PXDNL: variants seen among roughly 807,000 people sequenced by gnomAD.
The protein encoded by PXDNL is peroxidasin like.
In PXDNL, 145 loss-of-function variants were observed where a neutral mutation model predicts 150.8. The observed-to-expected ratio is 0.96, with a 90% CI of 0.84 to 1.10. The LOEUF is 1.10. Ranked by LOEUF, PXDNL falls within the 50% of genes least tolerant of loss-of-function variation. The pLI is 0.00. For missense variants in PXDNL, 2,087 were observed against 1,873.9 expected (o/e 1.11, Z -2.10); for synonymous variants, 757 against 725.7 (o/e 1.04, Z -0.69).
intron 1 of PXDNL, among the ~76,000 whole-genome samples, chr8:51,782,823 A>G (rs2037427588): frequency 6.6e-6 from 1 of 152,224 alleles, no homozygotes; most frequent in Admixed American, 6.5e-5. Context: ...AATTTCTCTT[A>G]TAGGCAGAAA....
chr8:51,668,328 C>T (rs1487706688), intron 1 of PXDNL, among the ~76,000 whole-genome samples: 1 of 151,914 alleles, frequency 6.6e-6, no homozygotes, highest in Non-Finnish European at 1.5e-5. Flanking sequence ...GCGAGCACCA[C>T]CACACCTGGC....
At chr8:51,594,198 G>T (rs1813513199) in intron 2 of PXDNL, among the ~76,000 whole-genome samples, 1 of 152,182 alleles carries the variant, frequency 6.6e-6, no homozygotes, top group South Asian at 2.1e-4. Flanking sequence ...ATACATATGT[G>T]CATGTGTGTA....
chr8:51,427,234 A>C (rs1267631675), intron 12 of PXDNL, among the ~76,000 whole-genome samples: 1 of 152,234 alleles, frequency 6.6e-6, no homozygotes, highest in African/African-American at 2.4e-5. Context: ...TATTAAAAAA[A>C]TGAATTCCTA....
chr8:51,680,768 G>A (rs1056406282), intron 1 of PXDNL, among the ~76,000 whole-genome samples: 9 of 152,128 alleles, frequency 5.9e-5, no homozygotes, highest in Admixed American at 1.3e-4. Flanking sequence ...GGTTTTTAGC[G>A]TCCCTGTGCC....
intron 1 of PXDNL, among the ~76,000 whole-genome samples, chr8:51,790,700 G>C (rs1256498849): frequency 9.4e-6 from 1 of 106,900 alleles, no homozygotes. Context: ...GCGGAGGGCA[G>C]CGGGGGCGAG....
At chr8:51,706,587 T>C (rs1164809565) in intron 1 of PXDNL, among the ~76,000 whole-genome samples, 1 of 152,214 alleles carries the variant, frequency 6.6e-6, no homozygotes, top group Non-Finnish European at 1.5e-5. Context: ...ATTATTTTTA[T>C]GGTAATCATT....
At chr8:51,339,440 C>A (rs953464367) in intron 21 of PXDNL, among the ~76,000 whole-genome samples, 184 bp downstream of exon 21, 17 of 151,992 alleles carry the variant, frequency 1.1e-4, no homozygotes, top group Middle Eastern at 3.4e-3. Context: ...ATCCGGCCGA[C>A]AGAACAAGAC....
chr8:51,372,706 A>G (rs1357408869), intron 18 of PXDNL, among the ~76,000 whole-genome samples: 1 of 152,228 alleles, frequency 6.6e-6, no homozygotes, highest in Non-Finnish European at 1.5e-5. Flanking sequence ...TTTAAATTCC[A>G]TGAACTAACC....
intron 2 of PXDNL, among the ~76,000 whole-genome samples, chr8:51,652,067 T>C (rs989191429): frequency 1.3e-5 from 2 of 152,166 alleles, no homozygotes; most frequent in African/African-American, 4.8e-5. Context: ...GTGGTTGGCA[T>C]TTTTTTAAAT....
intron 19 of PXDNL, among the ~76,000 whole-genome samples, chr8:51,350,349 A>AGCT (rs1349082238): frequency 1.9e-4 from 21 of 112,366 alleles, no homozygotes; most frequent in South Asian, 2.9e-4. Flanking sequence ...TAGCAAATGC[A>AGCT]GCTTCTTTTT....
chr8:51,565,644 C>T (rs1289782890), intron 3 of PXDNL, among the ~76,000 whole-genome samples: 1 of 151,736 alleles, frequency 6.6e-6, no homozygotes. Context: ...ACAGTGACAC[C>T]TTTGCTTTCT....
intron 19 of PXDNL, among the ~76,000 whole-genome samples, chr8:51,360,704 A>G (rs1186995786): frequency 6.6e-6 from 1 of 152,350 alleles, no homozygotes; most frequent in Non-Finnish European, 1.5e-5. Flanking sequence ...GTGTAAACAG[A>G]CTGTAGTCTA....
chr8:51,652,761 T>C (rs541331183), intron 2 of PXDNL, among the ~76,000 whole-genome samples: 2 of 152,220 alleles, frequency 1.3e-5, no homozygotes, highest in African/African-American at 4.8e-5. Flanking sequence ...GCAACTAGTA[T>C]AAAATGAGGC....
At chr8:51,468,876 C>G (rs1377412248) in intron 8 of PXDNL, among the ~76,000 whole-genome samples, 1 of 151,838 alleles carries the variant, frequency 6.6e-6, no homozygotes, top group Non-Finnish European at 1.5e-5. Context: ...TATTGTCTAA[C>G]GTTCTACTTT....
intron 4 of PXDNL, among the ~76,000 whole-genome samples, chr8:51,525,419 A>T (rs1811749398): frequency 6.6e-6 from 1 of 152,216 alleles, no homozygotes; most frequent in African/African-American, 2.4e-5. Context: ...CACGTGTAAC[A>T]TTTGTCACTG....
At chr8:51,729,302 A>G (rs1816874715) in intron 1 of PXDNL, among the ~76,000 whole-genome samples, 1 of 134,020 alleles carries the variant, frequency 7.5e-6, no homozygotes, top group South Asian at 2.7e-4. Context: ...ATATACCTAA[A>G]AATAAAACTC....
intron 21 of PXDNL, among the ~76,000 whole-genome samples, chr8:51,323,259 A>T (rs1300315316): frequency 2.0e-5 from 3 of 152,168 alleles, no homozygotes; most frequent in Non-Finnish European, 4.4e-5. Flanking sequence ...TAAATTATTT[A>T]AGGGAAATAG....
At chr8:51,536,324 T>A (rs1812078066) in intron 4 of PXDNL, among the ~76,000 whole-genome samples, 1 of 152,222 alleles carries the variant, frequency 6.6e-6, no homozygotes, top group Non-Finnish European at 1.5e-5. Context: ...GGCCTTGTTT[T>A]TTTCTTAAGC....
chr8:51,629,679 C>T (rs966441278), intron 2 of PXDNL, among the ~76,000 whole-genome samples: 1 of 152,038 alleles, frequency 6.6e-6, no homozygotes, highest in African/African-American at 2.4e-5. Flanking sequence ...AAGAGAGAAG[C>T]AACTTGTCAT....
Sources: gnomAD v4.1 joint callset for allele counts (sites outside exome capture counted in the v4.1 genomes callset) on GRCh38, gnomAD v4.1.1 for gene constraint, MANE v1.5 for transcripts, NCBI Gene and HGNC (gene_info 2026-07-23, HGNC 2026-07-21) for gene names.